Variants in RABGAP1 observed in about 807,000 individuals in gnomAD.
RABGAP1 encodes the protein rab GTPase-activating protein 1.
RABGAP1 carries 23 observed loss-of-function variants against 137.6 expected under a neutral mutation model. The ratio of observed to expected loss-of-function variants is 0.17; its 90% confidence interval spans 0.12 to 0.24. RABGAP1 has a LOEUF of 0.24. Among genes scored for constraint, RABGAP1 ranks in the 10% least tolerant of loss-of-function variants. The probability of loss-of-function intolerance (pLI) is 1.00; values close to 1 mark genes in which losing one functional copy is unlikely to be tolerated. For synonymous variants in RABGAP1, 451 were observed against 450.7 expected (o/e 1.00, Z -0.01); for missense variants, 906 against 1,275.8 (o/e 0.71, Z 4.42).
chr9:123,010,801 A>ATT (rs1048337806), intron 11 of RABGAP1, among the ~76,000 whole-genome samples: 1 of 150,964 alleles, frequency 6.6e-6, no homozygotes, highest in Non-Finnish European at 1.5e-5. Flanking sequence ...ATATTAGCAC[A>ATT]TTTTTTTTTA....
At chr9:122,958,958 A>G (rs1250389181) in intron 2 of RABGAP1, among the ~76,000 whole-genome samples, 1 of 152,176 alleles carries the variant, frequency 6.6e-6, no homozygotes, top group Non-Finnish European at 1.5e-5. Flanking sequence ...GCAGTGAACC[A>G]TGATCACACC....
At chr9:123,023,866 A>G (rs1343431842) in intron 13 of RABGAP1, among the ~76,000 whole-genome samples, 4 of 152,244 alleles carry the variant, frequency 2.6e-5, no homozygotes, top group South Asian at 2.1e-4. Flanking sequence ...AATTTTACAT[A>G]TAATATTACT....
At chr9:122,997,769 A>G (rs1837109533) in intron 9 of RABGAP1, among the ~76,000 whole-genome samples, 1 of 152,196 alleles carries the variant, frequency 6.6e-6, no homozygotes, top group African/African-American at 2.4e-5. Flanking sequence ...GTAGCTCTTC[A>G]AATACTCTAT....
At chr9:122,934,147 G>T in the RABGAP1 span, among the ~76,000 whole-genome samples, 4 of 136,694 alleles carry the variant, frequency 2.9e-5, no homozygotes, top group Admixed American at 1.4e-4. Context: ...GCGTGATCTC[G>T]GCTCACTGCA....
intron 13 of RABGAP1, among the ~76,000 whole-genome samples, chr9:123,028,851 C>T (rs1327274773): frequency 1.3e-5 from 2 of 152,088 alleles, no homozygotes; most frequent in East Asian, 1.9e-4. Flanking sequence ...CTTTGGTTTC[C>T]TTATCTGTAA....
At chr9:123,029,725 GTCT>G (rs2032193780) in intron 13 of RABGAP1, 6 of 644,122 alleles carry the variant, frequency 9.3e-6, no homozygotes, top group African/African-American at 1.8e-5. Context: ...TCCAGTGTCT[GTCT>G]TCTTCTTGTA....
chr9:123,098,720 A>G lies in RABGAP1; in HGVS notation c.2739A>G (p.Lys913=). ...TTGTTTTTTTATGTGTGCAGTTAAA[A>G]GAAATGTGCCGTCGGGAACTCGACA... ...RRLEEESAQL[K]EMCRRELDKA... is the part of the protein sequence containing the mutation. The change falls in exon 23 of 26, where the codon AAA becomes AAG. Residue 913 remains lysine, a synonymous_variant. Transcript: ENST00000373647. 6.2e-7 allele frequency: 1 copy of G among 1,612,378 alleles called. No individual in the cohort carries two copies. Among genetic ancestry groups the G allele is most frequent in the Non-Finnish European group, 8.5e-7 (1 of 1,179,484 alleles).
the RABGAP1 span, among the ~76,000 whole-genome samples, chr9:122,933,826 T>C: frequency 1.3e-5 from 2 of 152,162 alleles, no homozygotes; most frequent in South Asian, 2.1e-4. Context: ...GGTTTTACCA[T>C]GTTGGCCAGG....
chr9:122,942,553 C>T (rs922571892), intron 1 of RABGAP1, among the ~76,000 whole-genome samples: 1 of 150,290 alleles, frequency 6.7e-6, no homozygotes, highest in Admixed American at 6.7e-5. Flanking sequence ...GCCTGTAGTC[C>T]CAGCTAATCG....
intron 11 of RABGAP1, among the ~76,000 whole-genome samples, chr9:123,014,419 C>G (rs2031060950): frequency 6.6e-6 from 1 of 152,024 alleles, no homozygotes; most frequent in Non-Finnish European, 1.5e-5. Context: ...CATAAAAGAG[C>G]AGAGAAAAAT....
chr9:123,024,699 A>G lies in RABGAP1; in HGVS notation c.1794+4240A>G, dbSNP rs191213494. Among the ~76,000 whole-genome samples, 815 of 152,148 alleles carry G rather than the reference A, an allele frequency of 5.4e-3. 33 individuals carry two copies. Among genetic ancestry groups the G allele is most frequent in the Admixed American group, 0.048 (739 of 15,286 alleles). ...GTGATCCTCCCACCTCGGCCTCCCA[A>G]AGTTCTGGGATTACAGGCATGAGCC... On this transcript the variant is annotated intron_variant, in intron 13 of 25. Transcript: ENST00000373647.
At chr9:123,066,178 C>T (rs149003762) in intron 14 of RABGAP1, among the ~76,000 whole-genome samples, 2 of 152,270 alleles carry the variant, frequency 1.3e-5, no homozygotes, top group Admixed American at 6.5e-5. Flanking sequence ...GGTTTTAGGA[C>T]AGACTAGCAG....
Position 122,944,244 on chromosome 9 carries a change from A to T in RABGAP1, c.-50+3151A>T, listed in dbSNP as rs558620130. ...ATACAACACACTTTTTTTTTTTTTT[A>T]AAAGAGATAGGGTTTTGTTCTCTTT... is the stretch of plus-strand genomic sequence containing the variant. On this transcript the variant is annotated intron_variant, in intron 1 of 25. Coordinates refer to ENST00000373647, the MANE Select transcript of RABGAP1 (RefSeq NM_012197.4). Among the ~76,000 whole-genome samples, 863 of 149,296 alleles carry T rather than the reference A, an allele frequency of 5.8e-3. 5 individuals carry two copies. The highest frequency in any genetic ancestry group is 7.5e-3 in the Non-Finnish European group (507 of 67,244).
At chr9:123,023,695 T>G (rs1439812455) in intron 13 of RABGAP1, among the ~76,000 whole-genome samples, 1 of 152,224 alleles carries the variant, frequency 6.6e-6, no homozygotes, top group Non-Finnish European at 1.5e-5. Flanking sequence ...TTTTAGCTAT[T>G]ATGAATAAAA....
At chr9:122,958,578 A>G (rs1013816767) in intron 2 of RABGAP1, among the ~76,000 whole-genome samples, 2 of 152,206 alleles carry the variant, frequency 1.3e-5, no homozygotes, top group Admixed American at 6.5e-5. Flanking sequence ...GCATTAGGAG[A>G]AATACCTAAT....
At chr9:122,981,821 G>A (rs1166367643) in intron 2 of RABGAP1, among the ~76,000 whole-genome samples, 3 of 152,156 alleles carry the variant, frequency 2.0e-5, no homozygotes, top group Admixed American at 6.5e-5. Flanking sequence ...GGCCAAGGTG[G>A]GTGGATCACT....
At chr9:123,086,167 G>A (rs1010361975) in intron 19 of RABGAP1, among the ~76,000 whole-genome samples, 14 of 152,224 alleles carry the variant, frequency 9.2e-5, no homozygotes, top group African/African-American at 3.1e-4. Flanking sequence ...TGAGGGAAGG[G>A]TTTGCTAAAG....
chr9:123,036,466 G>T (rs1368222337), intron 13 of RABGAP1, among the ~76,000 whole-genome samples: 2 of 152,188 alleles, frequency 1.3e-5, no homozygotes, highest in Admixed American at 6.5e-5. Flanking sequence ...GTGATAGGCT[G>T]TTGGCTGTCC....
intron 13 of RABGAP1, chr9:123,035,075 A>T: frequency 6.2e-7 from 1 of 1,614,098 alleles, no homozygotes; most frequent in Non-Finnish European, 8.5e-7. Flanking sequence ...CACTGGGGCA[A>T]ACCTGGATAT....
Sources: allele counts gnomAD v4.1 joint callset (sites outside exome capture counted in the v4.1 genomes callset), GRCh38; gene constraint gnomAD v4.1.1; transcripts MANE v1.5; gene names NCBI Gene and HGNC (gene_info 2026-07-23, HGNC 2026-07-21).